SNX8: variants seen among roughly 807,000 people sequenced by gnomAD.
SNX8 encodes sorting nexin 8.
Under a neutral mutation model 51.6 loss-of-function variants are expected in SNX8, and 25 were observed. The observed-to-expected ratio is 0.48, with a 90% CI of 0.35 to 0.68. The LOEUF (loss-of-function observed/expected upper bound fraction) is 0.68, where lower values mean the gene tolerates loss of function less well. SNX8 is among the 30% of genes least tolerant of loss of function. SNX8 has a pLI of 0.00. For missense variants in SNX8, 695 were observed against 624.0 expected (o/e 1.11, Z -1.21); for synonymous variants, 324 against 277.0 (o/e 1.17, Z -1.68).
At chr7:2,347,840 C>T (rs982873384) in intron 1 of SNX8, among the ~76,000 whole-genome samples, 5 of 151,874 alleles carry the variant, frequency 3.3e-5, no homozygotes, top group Admixed American at 6.6e-5. Flanking sequence ...CATGGGGTTT[C>T]GCCATATTAG....
intron 1 of SNX8, chr7:2,309,832 G>C (rs904851028): frequency 1.1e-5 from 5 of 471,004 alleles, no homozygotes; most frequent in African/African-American, 1.0e-4. Context: ...CTGCAGGTAA[G>C]GGTTGATGGG....
intron 1 of SNX8, among the ~76,000 whole-genome samples, chr7:2,297,790 A>C (rs1430730907): frequency 6.6e-6 from 1 of 151,874 alleles, no homozygotes; most frequent in African/African-American, 2.4e-5. Flanking sequence ...ACTCAGGATC[A>C]GAAACCCAAA....
intron 1 of SNX8, among the ~76,000 whole-genome samples, chr7:2,282,619 G>C (rs1795933096): frequency 6.6e-6 from 1 of 152,208 alleles, no homozygotes. Context: ...GAGCAGGTGA[G>C]CACTACATTC....
chr7:2,288,769 T>C (rs1796088026), intron 1 of SNX8, among the ~76,000 whole-genome samples: 1 of 152,236 alleles, frequency 6.6e-6, no homozygotes, highest in Non-Finnish European at 1.5e-5. Context: ...GGTCTCACTC[T>C]GTCGCCCAGG....
intron 1 of SNX8, among the ~76,000 whole-genome samples, chr7:2,304,273 G>A (rs540513718): frequency 5.3e-5 from 8 of 152,076 alleles, no homozygotes; most frequent in South Asian, 4.1e-4. Flanking sequence ...GGCCGGGCAC[G>A]GCAGCTCACG....
intron 1 of SNX8, among the ~76,000 whole-genome samples, chr7:2,349,404 T>C (rs1014721360): frequency 3.9e-5 from 6 of 151,958 alleles, no homozygotes; most frequent in African/African-American, 9.7e-5. Context: ...GTTATATTTT[T>C]AGTTTATTTT....
chr7:2,257,019 T>G lies in SNX8; in HGVS notation c.1139A>C (p.Glu380Ala), dbSNP rs915214670. The G allele has an allele frequency of 1.9e-6, 3 of 1,602,292 alleles. No homozygotes were observed. The Admixed American group carries it at 5.1e-5, about 27-fold the overall frequency. Residue 380 changes from glutamate (E) to alanine (A), a missense_variant, in exon 10 of 11, where the codon GAG becomes GCG. Transcript: ENST00000222990. ...CAGCTCCATCGTCTGAATCGCGTTC[T>G]CCTGCTGCGGAGCAAACAGCCGCCT... ...EQLESRIVEQ[E>A]NAIQTMELRN...
chr7:2,309,378 T>C (rs1796614773), intron 1 of SNX8, among the ~76,000 whole-genome samples: 1 of 151,996 alleles, frequency 6.6e-6, no homozygotes. Flanking sequence ...ATACAAAAAT[T>C]AGCCAGGTGT....
Position 2,300,610 on chromosome 7 carries a change from C to T in SNX8, c.94+13718G>A, listed in dbSNP as rs551585832. Among the ~76,000 whole-genome samples, 22 of 151,778 alleles carry T rather than the reference C, an allele frequency of 1.4e-4. No individual in the cohort carries two copies. The South Asian group carries it at 1.5e-3, about 10-fold the overall frequency. On this transcript the variant is annotated intron_variant, in intron 1 of 10. Coordinates refer to ENST00000222990, the MANE Select transcript of SNX8 (RefSeq NM_013321.4). ...TCATTTTTTTGTAGAGAAAAGGTCT[C>T]GCTATGTAATGCCCAGGCTGGTCTT...
chr7:2,284,396 CTTTTTTTTTT>C (rs751803296), intron 1 of SNX8, among the ~76,000 whole-genome samples: 5 of 88,910 alleles, frequency 5.6e-5, no homozygotes, highest in African/African-American at 8.9e-5. Context: ...CTTTTATTTC[CTTTTTTTTTT>C]TTTTTTTTTT....
At chr7:2,267,096 T>A (rs1482252963) in intron 5 of SNX8, among the ~76,000 whole-genome samples, 3 of 152,136 alleles carry the variant, frequency 2.0e-5, no homozygotes, top group Non-Finnish European at 4.4e-5. Flanking sequence ...AATGACAGCC[T>A]CCCTGAGCCT....
intron 2 of SNX8, 135 bp from the exon 3 acceptor site, chr7:2,275,364 C>G (rs547220259): frequency 2.9e-6 from 2 of 697,110 alleles, no homozygotes; most frequent in Non-Finnish European, 5.2e-6. Flanking sequence ...ATGGAGAAAC[C>G]CTGTGACGGC....
chr7:2,351,905 GTTTTTTTTTTT>G (rs748043966), intron 1 of SNX8, among the ~76,000 whole-genome samples: 2 of 88,324 alleles, frequency 2.3e-5, no homozygotes, highest in Non-Finnish European at 4.5e-5. Context: ...GTTGTTGTTG[GTTTTTTTTTTT>G]TTTTTTTTTT....
intron 1 of SNX8, among the ~76,000 whole-genome samples, chr7:2,308,712 G>A (rs891361816): frequency 6.6e-6 from 1 of 150,620 alleles, no homozygotes; most frequent in Non-Finnish European, 1.5e-5. Context: ...AGCGAAATGG[G>A]GCAGAAGGTT....
intron 1 of SNX8, among the ~76,000 whole-genome samples, chr7:2,353,002 C>T (rs1385167998): frequency 6.6e-6 from 1 of 151,982 alleles, no homozygotes; most frequent in African/African-American, 2.4e-5. Flanking sequence ...TTTTAAACAC[C>T]GTTAGGATGG....
chr7:2,259,370 G>A lies in SNX8; in HGVS notation c.916-1567C>T, dbSNP rs180940375. Among the ~76,000 whole-genome samples the A allele has an allele frequency of 3.9e-5, 6 of 152,336 alleles. No homozygotes were observed. In the East Asian group the frequency reaches 7.7e-4, roughly 20 times the overall value. ...CCCACAGCTCACTGAGCACCTCGGG[G>A]AGACCAAGCTCCCTCCACGATTCCT... On this transcript the variant is annotated intron_variant, in intron 7 of 10. Transcript: ENST00000222990.
chr7:2,327,126 G>A (rs1388008531), intron 1 of SNX8, among the ~76,000 whole-genome samples: 2 of 152,096 alleles, frequency 1.3e-5, no homozygotes, highest in Admixed American at 1.3e-4. Flanking sequence ...TCTGGTGTTT[G>A]TCTCCTAGGG....
In SNX8 at chr7:2,254,824, C is replaced by T. The variant is rs2035792366; in HGVS notation, c.*232G>A. ...GAGGAAACCATTCCAGAGAACCCCA[C>T]CACCTCTCTCGACCAGGCTAGCAGG... On this transcript the variant is annotated 3_prime_UTR_variant, in exon 11 of 11. Coordinates refer to ENST00000222990, the MANE Select transcript of SNX8 (RefSeq NM_013321.4). The T allele has an allele frequency of 1.7e-6, 1 of 576,600 alleles. No individual in the cohort carries two copies. The allele number at this position is 576,600 out of a possible 1,614,324, so 35.7% of individuals were successfully genotyped here.
intron 2 of SNX8, among the ~76,000 whole-genome samples, chr7:2,276,037 GT>G (rs1795772490): frequency 1.3e-5 from 2 of 152,094 alleles, no homozygotes; most frequent in South Asian, 4.2e-4. Context: ...ATGAAGCATA[GT>G]GGCTTCCCAC....
Sources: allele counts gnomAD v4.1 joint callset (sites outside exome capture counted in the v4.1 genomes callset), GRCh38; gene constraint gnomAD v4.1.1; transcripts MANE v1.5; gene names NCBI Gene and HGNC (gene_info 2026-07-23, HGNC 2026-07-21).